FMN1: variants seen among roughly 807,000 people sequenced by gnomAD.
FMN1 encodes the protein formin-1.
A neutral mutation model predicts 132.4 loss-of-function variants in FMN1; 110 were observed. The ratio of observed to expected loss-of-function variants is 0.83; its 90% CI spans 0.71 to 0.97. The LOEUF is 0.97. Among genes scored for constraint, FMN1 ranks in the 50% least tolerant of loss-of-function variants. FMN1 has a pLI of 0.00. For missense variants in FMN1, 1,792 were observed against 1,705.3 expected (o/e 1.05, Z -0.90); for synonymous variants, 722 against 651.7 (o/e 1.11, Z -1.64).
rs968276278 is a variant in FMN1, at chr15:33,024,001, A to G, written c.2162-15926T>C. Among the ~76,000 whole-genome samples the G allele has an allele frequency of 3.9e-5, 6 of 152,154 alleles. 1 individual carries two copies. The highest frequency in any genetic ancestry group is 3.3e-4 in the Admixed American group (5 of 15,274). On this transcript the variant is annotated intron_variant, in intron 6 of 20. Transcript: ENST00000616417. ...CACATAAATGGAGAAGACATTTGCA[A>G]AGCATATAACCAATAAAATGTTAGC...
In FMN1 at chr15:32,926,207, T is replaced by C; in HGVS notation, c.3193A>G (p.Ser1065Gly). 2 of 1,562,436 alleles carry C rather than the reference T, an allele frequency of 1.3e-6. No homozygotes were observed. The highest frequency in any genetic ancestry group is 1.4e-5 in the African/African-American group (1 of 72,336). The stretch of plus-strand genomic sequence containing the variant: ...ATATCCTTCATTTCTAAATGTAAAC[T>C]AGATATCAAGATTCCCACAGTTTGA... ...RSQTVGILIS[S>G]LHLEMKDIQQ... is the part of the protein sequence containing the mutation. Residue 1065 changes from serine (S) to glycine (G), a missense_variant, in exon 10 of 21, where the codon AGT becomes GGT. Around this residue, in one of 3 missense-constraint regions of FMN1, gnomAD observed 1,150 missense variants for 1,043.1 expected, o/e 1.10. Transcript: ENST00000616417.
chr15:32,920,189 A>G (rs1453003406), intron 10 of FMN1, among the ~76,000 whole-genome samples: 2 of 152,338 alleles, frequency 1.3e-5, no homozygotes, highest in East Asian at 3.9e-4. Context: ...CCCTGGGACA[A>G]GAATAAGAGG....
chr15:33,096,021 C>CA (rs1292002966), intron 4 of FMN1, among the ~76,000 whole-genome samples: 1 of 149,864 alleles, frequency 6.7e-6, no homozygotes, highest in Non-Finnish European at 1.5e-5. Context: ...AAAGAAGGCA[C>CA]ATTTACTATT....
intron 17 of FMN1, among the ~76,000 whole-genome samples, chr15:32,850,315 T>C (rs115032361): frequency 0.016 from 2,506 of 152,324 alleles, 77 homozygotes; most frequent in African/African-American, 0.057. Context: ...GATTATGTAA[T>C]AACCTGCTCT....
chr15:33,180,994 A>C (rs1357813663), intron 2 of FMN1, among the ~76,000 whole-genome samples: 1 of 152,090 alleles, frequency 6.6e-6, no homozygotes, highest in Admixed American at 6.5e-5. Flanking sequence ...CAAGTGATCC[A>C]TCACCCTTGG....
At chr15:32,788,215 T>C (rs367576512) in intron 19 of FMN1, among the ~76,000 whole-genome samples, 14 of 152,346 alleles carry the variant, frequency 9.2e-5, no homozygotes, top group African/African-American at 1.7e-4. Flanking sequence ...CTGCACTTAG[T>C]AGACATAACA....
At chr15:33,162,618 A>G (rs1043547526) in intron 3 of FMN1, among the ~76,000 whole-genome samples, 2 of 152,234 alleles carry the variant, frequency 1.3e-5, no homozygotes, top group African/African-American at 4.8e-5. Flanking sequence ...TTGGTAGGAT[A>G]TTAACGCTAT....
At chr15:32,952,651 C>A (rs761076311) in intron 9 of FMN1, among the ~76,000 whole-genome samples, 1 of 152,110 alleles carries the variant, frequency 6.6e-6, no homozygotes, top group African/African-American at 2.4e-5. Flanking sequence ...GATAATTAGG[C>A]GGCCATGAAT....
chr15:32,978,782 A>T (rs1304215978), intron 7 of FMN1, among the ~76,000 whole-genome samples: 1 of 152,192 alleles, frequency 6.6e-6, no homozygotes, highest in Non-Finnish European at 1.5e-5. Context: ...TCCCATGGCC[A>T]ATGTCCACCT....
chr15:32,842,382 A>G (rs1186673210), intron 17 of FMN1, among the ~76,000 whole-genome samples: 1 of 152,200 alleles, frequency 6.6e-6, no homozygotes, highest in Non-Finnish European at 1.5e-5. Context: ...ACTTCACAGG[A>G]GACCTGAAGC....
chr15:33,128,347 C>G (rs546135342), intron 4 of FMN1, among the ~76,000 whole-genome samples: 2 of 152,162 alleles, frequency 1.3e-5, no homozygotes, highest in African/African-American at 4.8e-5. Context: ...GGGCCTGATC[C>G]TTGACGATCT....
intron 7 of FMN1, among the ~76,000 whole-genome samples, chr15:32,986,660 T>C (rs1378909721): frequency 6.6e-6 from 1 of 152,130 alleles, no homozygotes; most frequent in Non-Finnish European, 1.5e-5. Context: ...TGTTTAATGA[T>C]ACTTGGAACA....
At chr15:32,787,166 C>G (rs1013954291) in intron 19 of FMN1, among the ~76,000 whole-genome samples, 31 of 152,270 alleles carry the variant, frequency 2.0e-4, no homozygotes, top group Admixed American at 1.8e-3. Flanking sequence ...CAACAACAAA[C>G]TCATTAATTT....
chr15:33,103,970 A>G (rs1447578344), intron 4 of FMN1, among the ~76,000 whole-genome samples: 1 of 152,106 alleles, frequency 6.6e-6, no homozygotes, highest in Non-Finnish European at 1.5e-5. Context: ...AATGCAAGTC[A>G]GAAGAAAAAT....
chr15:33,181,444 C>A (rs1051709874), intron 2 of FMN1, among the ~76,000 whole-genome samples: 2 of 152,166 alleles, frequency 1.3e-5, no homozygotes, highest in Non-Finnish European at 2.9e-5. Context: ...CTTGACATGA[C>A]CTCCACACAC....
chr15:33,011,516 T>C (rs942521159), intron 6 of FMN1, among the ~76,000 whole-genome samples: 5 of 150,868 alleles, frequency 3.3e-5, no homozygotes, highest in Non-Finnish European at 5.9e-5. Context: ...AGCCTCAGGA[T>C]AGAAAAAAGA....
chr15:33,128,842 GA>G (rs1963399045), intron 4 of FMN1, among the ~76,000 whole-genome samples: 2 of 152,222 alleles, frequency 1.3e-5, no homozygotes, highest in Non-Finnish European at 2.9e-5. Flanking sequence ...CAATGCGGAA[GA>G]CAACCGGAGC....
At chr15:33,181,519 C>T (rs536056095) in intron 2 of FMN1, among the ~76,000 whole-genome samples, 4 of 152,192 alleles carry the variant, frequency 2.6e-5, no homozygotes, top group African/African-American at 4.8e-5. Flanking sequence ...CACGTGGAAG[C>T]ACCTTCCCCA....
intron 16 of FMN1, among the ~76,000 whole-genome samples, chr15:32,868,083 C>T (rs947752253): frequency 6.6e-6 from 1 of 152,166 alleles, no homozygotes; most frequent in African/African-American, 2.4e-5. Context: ...AGTACATGTA[C>T]ACTCATGTAC....
Sources: gnomAD v4.1 joint callset for allele counts (sites outside exome capture counted in the v4.1 genomes callset) on GRCh38, gnomAD v4.1.1 for gene constraint, gnomAD v4.1.1 regional missense constraint, MANE v1.5 for transcripts, NCBI Gene and HGNC (gene_info 2026-07-23, HGNC 2026-07-21) for gene names.